Variants in L1TD1 observed in about 807,000 individuals in gnomAD.
The protein encoded by L1TD1 is LINE1 type transposase domain containing 1, also known as LINE-1 type transposase domain-containing protein 1.
Under a neutral mutation model 25.7 loss-of-function variants are expected in L1TD1, and 26 were observed. The observed-to-expected ratio is 1.01, with a 90% CI of 0.74 to 1.40. The LOEUF (loss-of-function observed/expected upper bound fraction) is 1.40, where lower values mean the gene tolerates loss of function less well. Ranked by LOEUF, L1TD1 falls within the 40% of genes most tolerant of loss-of-function variation. L1TD1 has a pLI of 0.00. For synonymous variants in L1TD1, 421 were observed against 335.6 expected, an observed-to-expected ratio of 1.25 and a Z score of -2.78; for missense variants, 1,130 against 975.0, an observed-to-expected ratio of 1.16 and a Z score of -2.12.
At position 62,210,290 on chromosome 1, in the gene L1TD1, C is replaced by T. The variant is rs754273790; in HGVS notation, c.1516C>T (p.Gln506Ter). Residue 506 changes from glutamine to a stop codon, truncating the protein, a stop_gained, in exon 4 of 4, where the codon CAA becomes TAA. Transcript: ENST00000498273. LOFTEE classifies it low-confidence loss of function (END_TRUNC). Reference protein sequence around the residue: ...SLTEKKASRRQKEIPFSYLVG... With the variant: ...SLTEKKASRR ...GACTGAGAAAAAAGCCTCACGTAGA[C>T]AAAAAGAAATTCCCTTTAGTTATTT... 5 of 1,613,898 alleles carry T rather than the reference C, an allele frequency of 3.1e-6. No homozygotes were observed. The highest frequency in any genetic ancestry group is 4.2e-6 in the Non-Finnish European group (5 of 1,179,976).
chr1:62,207,693 T>C (rs17379608), intron 3 of L1TD1, 57 bp downstream of exon 3: 100,327 of 1,432,040 alleles, frequency 0.07, 4,024 homozygotes, highest in Admixed American at 0.15. Flanking sequence ...ATAGTAGGCA[T>C]GGTTATTTTG....
chr1:62,205,146 C>T (rs903041316), intron 2 of L1TD1, among the ~76,000 whole-genome samples: 1 of 151,522 alleles, frequency 6.6e-6, no homozygotes, highest in Non-Finnish European at 1.5e-5. Context: ...GTCAGGAATT[C>T]GAGGCCAGCC....
chr1:62,206,431 G>C (rs1670746312), intron 2 of L1TD1, 88 bp from the exon 3 acceptor site: 2 of 396,704 alleles, frequency 5.0e-6, no homozygotes, highest in Non-Finnish European at 8.5e-6. Flanking sequence ...AGTGCACCCA[G>C]CATAGTTTTC....
In L1TD1 at chr1:62,211,017, G is replaced by A. The variant is rs1174734212; in HGVS notation, c.2243G>A (p.Ser748Asn). 6.5e-7 allele frequency: 1 copy of A among 1,546,668 alleles called. No homozygotes were observed. The highest frequency in any genetic ancestry group is 2.4e-5 in the East Asian group (1 of 40,898). The part of the protein sequence containing the change: ...LEIVSACRVP[S>N]KIDEKRLTPR... ...ATTGTCAGTGCTTGTCGAGTACCTA[G>A]TAAAATTGATGAAAAGAGACTGACT... Residue 748 changes from serine (S) to asparagine (N), a missense_variant, in exon 4 of 4, where the codon AGT (serine) becomes AAT (asparagine). Coordinates refer to ENST00000498273, the MANE Select transcript of L1TD1 (RefSeq NM_019079.5).
chr1:62,199,453 G>A (rs1670602191), intron 2 of L1TD1, among the ~76,000 whole-genome samples: 1 of 149,982 alleles, frequency 6.7e-6, no homozygotes, highest in Non-Finnish European at 1.5e-5. Context: ...AGCCAAGATT[G>A]TGCCACTGCA....
chr1:62,205,417 CTATATATATATATA>C (rs776188584), intron 2 of L1TD1, among the ~76,000 whole-genome samples: 2 of 21,812 alleles, frequency 9.2e-5, no homozygotes, highest in African/African-American at 5.1e-4. Flanking sequence ...CTCTCTCTCT[CTATATATATATATA>C]TATATATATA....
intron 3 of L1TD1, among the ~76,000 whole-genome samples, chr1:62,209,186 C>T (rs2457826): frequency 0.57 from 86,583 of 151,906 alleles, 24,976 homozygotes; most frequent in Non-Finnish European, 0.6. Flanking sequence ...ATGTGGCAAT[C>T]GGGCCAGGGT....
At chr1:62,199,670 CCTGT>C (rs139458427) in intron 2 of L1TD1, among the ~76,000 whole-genome samples, 5,633 of 152,042 alleles carry the variant, frequency 0.037, 347 homozygotes, top group African/African-American at 0.13. Context: ...ATCGCAAGAC[CCTGT>C]CTCTTTTAAA....
intron 2 of L1TD1, among the ~76,000 whole-genome samples, chr1:62,197,337 A>C (rs1184660280): frequency 6.7e-6 from 1 of 149,664 alleles, no homozygotes; most frequent in Non-Finnish European, 1.5e-5. Flanking sequence ...CAGTGAGCCG[A>C]GATCCTGCCA....
intron 2 of L1TD1, among the ~76,000 whole-genome samples, chr1:62,203,852 T>A (rs1458829997): frequency 6.6e-6 from 1 of 152,208 alleles, no homozygotes; most frequent in East Asian, 1.9e-4. Flanking sequence ...CCCAGAGTGT[T>A]GGGATTACAG....
At chr1:62,205,439 A>C (rs952913349) in intron 2 of L1TD1, among the ~76,000 whole-genome samples, 1 of 44,234 alleles carries the variant, frequency 2.3e-5, no homozygotes, top group Non-Finnish European at 4.3e-5. Context: ...ATATATATAT[A>C]TATATTTTTT....
intron 2 of L1TD1, among the ~76,000 whole-genome samples, chr1:62,203,317 C>T (rs1557442301): frequency 6.6e-6 from 1 of 152,078 alleles, no homozygotes; most frequent in Admixed American, 6.6e-5. Context: ...AGTGTAGTTA[C>T]CCTGCTGTGC....
intron 2 of L1TD1, among the ~76,000 whole-genome samples, chr1:62,202,301 A>T (rs1218004415): frequency 7.5e-6 from 1 of 133,766 alleles, no homozygotes; most frequent in Non-Finnish European, 1.7e-5. Context: ...ACTTCATCTC[A>T]AAAAAAAAAA....
chr1:62,201,226 G>A (rs939997587), intron 2 of L1TD1, among the ~76,000 whole-genome samples: 1 of 152,064 alleles, frequency 6.6e-6, no homozygotes, highest in Non-Finnish European at 1.5e-5. Context: ...ACTGCAACCG[G>A]CCTCAAGTAC....
At chr1:62,198,427 A>G (rs1221065674) in intron 2 of L1TD1, among the ~76,000 whole-genome samples, 1 of 150,566 alleles carries the variant, frequency 6.6e-6, no homozygotes, top group Non-Finnish European at 1.5e-5. Flanking sequence ...GAGGTGAGGG[A>G]CTAGTAATTG....
chr1:62,206,109 G>A (rs1053896902), intron 2 of L1TD1, among the ~76,000 whole-genome samples: 3 of 152,074 alleles, frequency 2.0e-5, no homozygotes, highest in African/African-American at 7.2e-5. Context: ...AATTCAAAAG[G>A]GACAACTATT....
intron 2 of L1TD1, among the ~76,000 whole-genome samples, chr1:62,204,643 A>G (rs990112163): frequency 6.6e-6 from 1 of 152,162 alleles, no homozygotes; most frequent in African/African-American, 2.4e-5. Flanking sequence ...GGCTCAAGTA[A>G]TCATTCCACC....
intron 3 of L1TD1, among the ~76,000 whole-genome samples, chr1:62,208,880 A>G (rs1670805011): frequency 6.6e-6 from 1 of 152,214 alleles, no homozygotes; most frequent in African/African-American, 2.4e-5. Flanking sequence ...CAAAGTGAGA[A>G]TCCATAAGGA....
At position 62,205,437 on chromosome 1, in the gene L1TD1, A is replaced by ATTTTTTTTTT. The variant is rs1169759217; in HGVS notation, c.-110-1081_-110-1080insTTTTTTTTTT. 1.1e-3 allele frequency among the ~76,000 whole-genome samples: 46 copies of ATTTTTTTTTT among 42,434 alleles called. 1 individual carries two copies. Among genetic ancestry groups the ATTTTTTTTTT allele is most frequent in the South Asian group, 1.7e-3 (2 of 1,196 alleles). 27.8% of individuals were successfully genotyped at this position (42,434 alleles called of 152,430 possible). A position where few individuals can be genotyped will look rare whatever the true frequency, so the allele number is the denominator to read the frequency against. The stretch of plus-strand genomic sequence containing the variant: ...TCTCTCTATATATATATATATATAT[A>ATTTTTTTTTT]TATATATTTTTTTTTAGACAGTCTT... On this transcript the variant is annotated intron_variant, in intron 2 of 3. Transcript: ENST00000498273.
Sources: allele counts gnomAD v4.1 joint callset (sites outside exome capture counted in the v4.1 genomes callset), GRCh38; gene constraint gnomAD v4.1.1; transcripts MANE v1.5; gene names NCBI Gene and HGNC (gene_info 2026-07-23, HGNC 2026-07-21).